Variants in ABCA13 observed in about 807,000 individuals in gnomAD.
The protein encoded by ABCA13 is ATP-binding cassette sub-family A member 13.
ABCA13 carries 476 observed loss-of-function variants against 478.7 expected under a neutral mutation model. The observed-to-expected ratio is 0.99, with a 90% confidence interval of 0.92 to 1.07. The LOEUF (loss-of-function observed/expected upper bound fraction) is 1.07. Among genes scored for constraint, ABCA13 ranks in the 50% least tolerant of loss-of-function variants. The pLI is 0.00. For synonymous variants in ABCA13, 2,252 were observed against 2,158.9 expected, an observed-to-expected ratio of 1.04 and a Z score of -1.20; for missense variants, 6,060 against 5,910.6, an observed-to-expected ratio of 1.03 and a Z score of -0.83.
intron 53 of ABCA13, 103 bp downstream of exon 53, chr7:48,520,397 C>T: frequency 7.6e-7 from 1 of 1,312,544 alleles, no homozygotes. Flanking sequence ...TATATCTGAT[C>T]AGCATTATAC....
At chr7:48,396,249 A>G (rs1455242965) in intron 38 of ABCA13, among the ~76,000 whole-genome samples, 1 of 152,246 alleles carries the variant, frequency 6.6e-6, no homozygotes, top group Non-Finnish European at 1.5e-5. Context: ...AGGGCAGGAA[A>G]GAAGCCCCTT....
chr7:48,204,383 G>A (rs1252363780), intron 3 of ABCA13, among the ~76,000 whole-genome samples: 1 of 151,686 alleles, frequency 6.6e-6, no homozygotes, highest in Non-Finnish European at 1.5e-5. Context: ...CTAATTTTTT[G>A]TATTTTTAGT....
intron 29 of ABCA13, among the ~76,000 whole-genome samples, chr7:48,348,746 G>A (rs554855414): frequency 1.2e-4 from 19 of 152,308 alleles, no homozygotes; most frequent in Admixed American, 2.6e-4. Context: ...AAATATAGAT[G>A]ATAAATCTCA....
chr7:48,268,832 T>C (rs1795212573), intron 15 of ABCA13, 148 bp from the exon 16 acceptor site: 1 of 540,786 alleles, frequency 1.8e-6, no homozygotes, highest in Admixed American at 3.7e-5. Flanking sequence ...CAAGTCAAAT[T>C]AGAAGATTCC....
At chr7:48,296,123 G>A (rs980910264) in intron 21 of ABCA13, among the ~76,000 whole-genome samples, 4 of 152,166 alleles carry the variant, frequency 2.6e-5, no homozygotes, top group South Asian at 4.1e-4. Context: ...ACGCTTGGTG[G>A]CAAATGCCTG....
At chr7:48,467,449 A>G (rs2130183508) in intron 44 of ABCA13, among the ~76,000 whole-genome samples, 1 of 152,278 alleles carries the variant, frequency 6.6e-6, no homozygotes, top group East Asian at 1.9e-4. Context: ...TTTTAACTTA[A>G]AAGACTTAAA....
chr7:48,239,434 C>T, intron 9 of ABCA13, 29 bp downstream of exon 9: 1 of 1,565,796 alleles, frequency 6.4e-7, no homozygotes, highest in East Asian at 2.3e-5. Context: ...ATGTTCTGTT[C>T]AAAGGTGTGC....
At chr7:48,179,492 C>T (rs1005318764) in intron 1 of ABCA13, among the ~76,000 whole-genome samples, 9 of 152,206 alleles carry the variant, frequency 5.9e-5, no homozygotes, top group Admixed American at 2.0e-4. Context: ...TGGTCCTACC[C>T]GATTCCTGGG....
intron 8 of ABCA13, among the ~76,000 whole-genome samples, chr7:48,234,766 T>C (rs565722867): frequency 2.0e-5 from 3 of 152,318 alleles, no homozygotes; most frequent in Admixed American, 1.3e-4. Flanking sequence ...CTGCTTTGCA[T>C]GGTGCAGGTC....
intron 31 of ABCA13, among the ~76,000 whole-genome samples, chr7:48,355,779 C>T (rs772827058): frequency 2.6e-5 from 4 of 151,808 alleles, no homozygotes; most frequent in Non-Finnish European, 4.4e-5. Flanking sequence ...CTATTTTGGT[C>T]CAAGTAACTG....
intron 59 of ABCA13, among the ~76,000 whole-genome samples, chr7:48,622,014 A>G (rs1018202490): frequency 7.2e-5 from 11 of 152,264 alleles, no homozygotes; most frequent in African/African-American, 2.6e-4. Flanking sequence ...CCTCATAGGG[A>G]AAAGTGTATT....
intron 58 of ABCA13, among the ~76,000 whole-genome samples, chr7:48,602,152 A>C (rs887616324): frequency 1.3e-5 from 2 of 151,886 alleles, no homozygotes; most frequent in Non-Finnish European, 2.9e-5. Context: ...GATTGCAAAA[A>C]TTTTCTCCCA....
At position 48,248,438 on chromosome 7, in the gene ABCA13, CCA is replaced by C. The variant is rs754178797; in HGVS notation, c.1862_1863del (p.Thr621SerfsTer7). 6.2e-7 allele frequency: 1 copy of C among 1,601,560 alleles called. No individual in the cohort carries two copies. The highest frequency in any genetic ancestry group is 2.2e-5 in the East Asian group (1 of 44,752). On this transcript the variant is annotated frameshift_variant, in exon 14 of 62. Coordinates refer to ENST00000435803, the MANE Select transcript of ABCA13 (RefSeq NM_152701.5). LOFTEE classifies it high-confidence loss of function. ...AGTGACTGTAAGCACCAGCTTGTCTCCACAGTGTAAGTACATGTTTGGTGGGA... is the reference window on the plus strand; with the variant it reads ...AGTGACTGTAAGCACCAGCTTGTCTCCAGTGTAAGTACATGTTTGGTGGGA...
chr7:48,452,063 C>T (rs572562342), intron 42 of ABCA13, among the ~76,000 whole-genome samples: 2 of 152,180 alleles, frequency 1.3e-5, no homozygotes, highest in East Asian at 1.9e-4. Flanking sequence ...CTATATTAGC[C>T]CTTTATTTTT....
At chr7:48,597,131 T>C (rs925314883) in intron 58 of ABCA13, among the ~76,000 whole-genome samples, 1 of 151,992 alleles carries the variant, frequency 6.6e-6, no homozygotes, top group African/African-American at 2.4e-5. Flanking sequence ...TTTTGTATTT[T>C]AGTAGAGACG....
chr7:48,277,318 A>G (rs1175180533), intron 17 of ABCA13, among the ~76,000 whole-genome samples: 1 of 152,306 alleles, frequency 6.6e-6, no homozygotes, highest in South Asian at 2.1e-4. Flanking sequence ...AAGGAAGACC[A>G]GGGGAAGGGA....
chr7:48,484,406 A>G (rs1829085103), intron 47 of ABCA13, among the ~76,000 whole-genome samples: 1 of 152,248 alleles, frequency 6.6e-6, no homozygotes, highest in Non-Finnish European at 1.5e-5. Flanking sequence ...ACTTGATAGA[A>G]AAATAAAATG....
chr7:48,632,715 T>C (rs1794267508), intron 59 of ABCA13, among the ~76,000 whole-genome samples: 1 of 152,176 alleles, frequency 6.6e-6, no homozygotes, highest in African/African-American at 2.4e-5. Context: ...GGCTTTATGG[T>C]CAACTGATTT....
At chr7:48,493,423 T>C (rs1351675803) in intron 48 of ABCA13, among the ~76,000 whole-genome samples, 1 of 152,160 alleles carries the variant, frequency 6.6e-6, no homozygotes, top group Non-Finnish European at 1.5e-5. Flanking sequence ...TAAGAGGAAA[T>C]TTCTTTTAAT....
Sources: gnomAD v4.1 joint callset for allele counts (sites outside exome capture counted in the v4.1 genomes callset) on GRCh38, gnomAD v4.1.1 for gene constraint, MANE v1.5 for transcripts, NCBI Gene and HGNC (gene_info 2026-07-23, HGNC 2026-07-21) for gene names.